The following MYZAP variants were observed in gnomAD, a reference collection of about 807,000 sequenced individuals.
The protein encoded by MYZAP is GRINL1A complex locus upstream.
In MYZAP, 66 loss-of-function variants were observed where a neutral mutation model predicts 69.4. The ratio of observed to expected loss-of-function variants is 0.95; its 90% CI spans 0.78 to 1.17. The LOEUF (loss-of-function observed/expected upper bound fraction) is 1.17. Ranked by LOEUF, MYZAP falls within the 50% of genes most tolerant of loss-of-function variation. The pLI, the probability that MYZAP is intolerant of heterozygous loss-of-function variation, is 0.00. For synonymous variants in MYZAP, 256 were observed against 205.9 expected (o/e 1.24, Z -2.09); for missense variants, 611 against 556.2 (o/e 1.10, Z -0.99).
intron 3 of MYZAP, among the ~76,000 whole-genome samples, chr15:57,620,053 C>T (rs1305828080): frequency 6.6e-6 from 1 of 152,176 alleles, no homozygotes; most frequent in Non-Finnish European, 1.5e-5. Flanking sequence ...CTCAAGATTC[C>T]ACCCACTCAC....
intron 4 of MYZAP, among the ~76,000 whole-genome samples, chr15:57,623,139 A>T (rs1473930018): frequency 6.6e-6 from 1 of 152,216 alleles, no homozygotes; most frequent in Non-Finnish European, 1.5e-5. Context: ...CCATCCCATG[A>T]TATAATTTTT....
intron 9 of MYZAP, 75 bp downstream of exon 9, chr15:57,637,849 C>A (rs2036906307): frequency 7.0e-7 from 1 of 1,430,332 alleles, no homozygotes; most frequent in African/African-American, 1.4e-5. Flanking sequence ...CTCATTTGAC[C>A]CTTACATTTT....
rs1348025488 is a variant in MYZAP, at chr15:57,618,606, C to T, written c.318+418C>T. On this transcript the variant is annotated intron_variant, in intron 3 of 12. Coordinates refer to ENST00000267853, the MANE Select transcript of MYZAP (RefSeq NM_001018100.5). Reference sequence around the variant, plus strand: ...GGAAGTCAACCACAATAGACTTTGTCCAACCAAGCCAATCAATGCCATTTC... The same window carrying T: ...GGAAGTCAACCACAATAGACTTTGTTCAACCAAGCCAATCAATGCCATTTC... Among the ~76,000 whole-genome samples the T allele has an allele frequency of 2.0e-5, 3 of 152,162 alleles. No individual in the cohort carries two copies. In the East Asian group the frequency reaches 5.8e-4, roughly 29 times the overall value.
intron 11 of MYZAP, among the ~76,000 whole-genome samples, chr15:57,666,249 T>C (rs2038563900): frequency 6.6e-6 from 1 of 152,188 alleles, no homozygotes; most frequent in South Asian, 2.1e-4. Flanking sequence ...ATTATTACCA[T>C]TTTTAATGTT....
At chr15:57,669,710 C>T (rs1403773259) in intron 11 of MYZAP, among the ~76,000 whole-genome samples, 5 of 152,116 alleles carry the variant, frequency 3.3e-5, no homozygotes, top group Non-Finnish European at 4.4e-5. Flanking sequence ...CTTTTTCTAG[C>T]TTCTTGAGGT....
chr15:57,633,518 G>T, intron 7 of MYZAP, 95 bp from the exon 8 acceptor site: 1 of 1,399,246 alleles, frequency 7.1e-7, no homozygotes, highest in Non-Finnish European at 9.3e-7. Flanking sequence ...GTTTTAAAGA[G>T]AAATCGTGAT....
chr15:57,646,735 A>G lies in MYZAP; in HGVS notation c.1119+7190A>G, dbSNP rs765362532. The G allele has an allele frequency of 2.2e-5, 22 of 986,268 alleles. 1 individual carries two copies. The highest frequency in any genetic ancestry group is 2.4e-5 in the Non-Finnish European group (20 of 830,562). 61.1% of individuals were successfully genotyped at this position (986,268 alleles called of 1,614,324 possible). ...CCCTGAAGGTGTCCTTCCTGAATGG[A>G]TATCAATACTCATCTTAGGACTCTT... On this transcript the variant is annotated intron_variant, in intron 10 of 12. Coordinates refer to ENST00000267853, the MANE Select transcript of MYZAP (RefSeq NM_001018100.5).
At chr15:57,601,815 A>G (rs1471505508) in intron 1 of MYZAP, among the ~76,000 whole-genome samples, 5 of 152,158 alleles carry the variant, frequency 3.3e-5, no homozygotes, top group Non-Finnish European at 7.3e-5. Context: ...GACTGCCTAG[A>G]AAAAGGGGAA....
chr15:57,637,339 G>T (rs2036874881), intron 8 of MYZAP, among the ~76,000 whole-genome samples: 2 of 152,142 alleles, frequency 1.3e-5, no homozygotes, highest in South Asian at 4.1e-4. Context: ...CTCTTTTCTT[G>T]ATGATTCAGA....
rs755165474 is a variant in MYZAP at position 57,633,604 on chromosome 15, C to G, written c.805-9C>G. 1 of 1,610,320 alleles carries G rather than the reference C, an allele frequency of 6.2e-7. No homozygotes were observed. Among genetic ancestry groups the G allele is most frequent in the South Asian group, 1.1e-5 (1 of 90,018 alleles). Reference sequence around the variant, plus strand: ...TGCCTGTACTTAGGAGGGTATATTTCTTTTGCAGGAAGAAACCAATAGTTT... The same window carrying G: ...TGCCTGTACTTAGGAGGGTATATTTGTTTTGCAGGAAGAAACCAATAGTTT... On this transcript the variant is annotated splice_polypyrimidine_tract_variant and intron_variant, in intron 7 of 12. Transcript: ENST00000267853.
At chr15:57,676,720 C>T (rs72745552) in intron 12 of MYZAP, among the ~76,000 whole-genome samples, 15,087 of 152,000 alleles carry the variant, frequency 0.099, 1,049 homozygotes, top group East Asian at 0.33. Context: ...TTCTAATTCC[C>T]GCATTTTGGC....
At chr15:57,677,430 A>G (rs1255290101) in intron 12 of MYZAP, among the ~76,000 whole-genome samples, 3 of 152,218 alleles carry the variant, frequency 2.0e-5, no homozygotes, top group African/African-American at 7.2e-5. Flanking sequence ...CCACATAGCC[A>G]GAATTAGAAC....
chr15:57,679,920 T>C (rs147392910), intron 12 of MYZAP, among the ~76,000 whole-genome samples: 6 of 152,286 alleles, frequency 3.9e-5, no homozygotes, highest in Non-Finnish European at 8.8e-5. Context: ...CTTCAAAGTC[T>C]CTCCTCTTAG....
chr15:57,624,325 T>C (rs1205876980), intron 4 of MYZAP, among the ~76,000 whole-genome samples: 1 of 152,164 alleles, frequency 6.6e-6, no homozygotes, highest in Non-Finnish European at 1.5e-5. Flanking sequence ...GGCTGTGAGA[T>C]TAAGTGCTTA....
chr15:57,621,808 A>G (rs1393507397), intron 4 of MYZAP, 108 bp downstream of exon 4: 4 of 926,868 alleles, frequency 4.3e-6, no homozygotes, highest in Non-Finnish European at 6.1e-6. Context: ...TTCTTTATCA[A>G]TAGAATTACA....
chr15:57,604,567 G>T (rs2034625717), intron 2 of MYZAP, among the ~76,000 whole-genome samples: 1 of 152,210 alleles, frequency 6.6e-6, no homozygotes, highest in Non-Finnish European at 1.5e-5. Context: ...CCCTGCTCTT[G>T]TTTCTTGGTG....
intron 2 of MYZAP, among the ~76,000 whole-genome samples, chr15:57,614,977 A>C (rs759673815): frequency 4.3e-4 from 66 of 152,106 alleles, no homozygotes; most frequent in Admixed American, 1.2e-3. Flanking sequence ...TTTCTTCTTC[A>C]CTTTTCCTGT....
At position 57,591,940 on chromosome 15, in the gene MYZAP, C is replaced by A. The variant is rs376140185; in HGVS notation, c.-95C>A. On this transcript the variant is annotated 5_prime_UTR_variant, in exon 1 of 13. Coordinates refer to ENST00000267853, the MANE Select transcript of MYZAP (RefSeq NM_001018100.5). ...AGCTGAGGCTGCAAGTAGCCGGCGC[C>A]GTCCCGCGTCGCCCCCGCGCAGGGC... 4 of 1,160,576 alleles carry A rather than the reference C, an allele frequency of 3.4e-6. No individual in the cohort carries two copies. The highest frequency in any genetic ancestry group is 3.2e-5 in the African/African-American group (2 of 61,856). 71.9% of individuals were successfully genotyped at this position (1,160,576 alleles called of 1,614,324 possible). A position where few individuals can be genotyped will look rare whatever the true frequency, so the allele number is the denominator to read the frequency against.
At chr15:57,649,854 C>T (rs184507541) in intron 10 of MYZAP, among the ~76,000 whole-genome samples, 2 of 152,260 alleles carry the variant, frequency 1.3e-5, no homozygotes, top group East Asian at 1.9e-4. Context: ...TGTTTTTCTC[C>T]ATAGCACTTA....
Sources: gnomAD v4.1 joint callset for allele counts (sites outside exome capture counted in the v4.1 genomes callset) on GRCh38, gnomAD v4.1.1 for gene constraint, MANE v1.5 for transcripts, NCBI Gene and HGNC (gene_info 2026-07-23, HGNC 2026-07-21) for gene names.